Variants in HMG20A observed in about 807,000 individuals in gnomAD.
The protein encoded by HMG20A is high mobility group 20A.
In HMG20A, 17 loss-of-function variants were observed where a neutral mutation model predicts 43.9. The ratio of observed to expected loss-of-function variants is 0.39; its 90% confidence interval spans 0.27 to 0.58. The LOEUF is 0.58. HMG20A is among the 20% of genes least tolerant of loss of function. The pLI, the probability that HMG20A is intolerant of heterozygous loss-of-function variation, is 0.59. For missense variants in HMG20A, 341 were observed against 438.2 expected, an observed-to-expected ratio of 0.78 and a Z score of 1.98; for synonymous variants, 132 against 147.5, an observed-to-expected ratio of 0.89 and a Z score of 0.76.
At chr15:77,449,077 G>A (rs987002476) in intron 1 of HMG20A, among the ~76,000 whole-genome samples, 2 of 151,812 alleles carry the variant, frequency 1.3e-5, no homozygotes, top group Admixed American at 6.6e-5. Flanking sequence ...ATAAAATAAA[G>A]ATCAATAATA....
chr15:77,513,445 A>G, the HMG20A span, among the ~76,000 whole-genome samples: 1 of 152,236 alleles, frequency 6.6e-6, no homozygotes, highest in Non-Finnish European at 1.5e-5. Flanking sequence ...GCCCTCAATT[A>G]GAAACTACCT....
intron 8 of HMG20A, among the ~76,000 whole-genome samples, chr15:77,478,898 T>C (rs2072881867): frequency 6.6e-6 from 1 of 152,246 alleles, no homozygotes; most frequent in Admixed American, 6.5e-5. Context: ...ATTTCTTATA[T>C]ACTCTTTCAT....
intron 1 of HMG20A, among the ~76,000 whole-genome samples, chr15:77,425,915 A>G (rs2073421968): frequency 6.6e-6 from 1 of 152,226 alleles, no homozygotes; most frequent in African/African-American, 2.4e-5. Context: ...CGATATAGCC[A>G]TACAATGGAA....
chr15:77,490,397 C>T (rs2072966266), downstream of HMG20A, among the ~76,000 whole-genome samples: 1 of 152,088 alleles, frequency 6.6e-6, no homozygotes, highest in Non-Finnish European at 1.5e-5. Flanking sequence ...GGCATAGGAA[C>T]CCAAGTGAGA....
intron 6 of HMG20A, among the ~76,000 whole-genome samples, chr15:77,476,614 T>C (rs558098146): frequency 2.0e-5 from 3 of 152,194 alleles, no homozygotes; most frequent in South Asian, 4.1e-4. Context: ...TTTCATGTTA[T>C]AAAGGTCCTG....
the HMG20A span, among the ~76,000 whole-genome samples, chr15:77,510,465 A>T: frequency 2.0e-5 from 3 of 152,218 alleles, no homozygotes; most frequent in Admixed American, 1.3e-4. Context: ...GTATTTGTAA[A>T]GCGCAGCTTA....
intron 1 of HMG20A, among the ~76,000 whole-genome samples, chr15:77,451,240 G>A (rs1485632094): frequency 1.3e-5 from 2 of 152,192 alleles, no homozygotes; most frequent in East Asian, 3.8e-4. Flanking sequence ...GCAGGTTTTT[G>A]TGTGGACGTA....
At chr15:77,458,199 T>A in intron 1 of HMG20A, 1 of 402,360 alleles carries the variant, frequency 2.5e-6, no homozygotes. Flanking sequence ...GTTTTCAGTC[T>A]GGTCAGTTGA....
At chr15:77,475,633 C>T (rs1489648964) in intron 6 of HMG20A, among the ~76,000 whole-genome samples, 25 of 152,178 alleles carry the variant, frequency 1.6e-4, no homozygotes, top group Non-Finnish European at 1.5e-5. Context: ...ATGATAATGT[C>T]CTAAGTCTTT....
At chr15:77,471,104 C>G in intron 5 of HMG20A, 62 bp downstream of exon 5, 1 of 1,528,954 alleles carries the variant, frequency 6.5e-7, no homozygotes, top group Non-Finnish European at 8.9e-7. Flanking sequence ...GTCATAAAGC[C>G]AACTGTTAAG....
intron 1 of HMG20A, among the ~76,000 whole-genome samples, chr15:77,454,110 T>C (rs1408008888): frequency 6.6e-6 from 1 of 150,448 alleles, no homozygotes; most frequent in Non-Finnish European, 1.5e-5. Flanking sequence ...ATCAGTGAGC[T>C]ATGATTATGC....
At chr15:77,422,472 T>C (rs909115729) in intron 1 of HMG20A, among the ~76,000 whole-genome samples, 4 of 152,178 alleles carry the variant, frequency 2.6e-5, no homozygotes, top group Admixed American at 2.0e-4. Context: ...AAAAATTAGC[T>C]GGGCGTGGTG....
At chr15:77,425,505 G>A (rs2073417420) in intron 1 of HMG20A, among the ~76,000 whole-genome samples, 1 of 152,134 alleles carries the variant, frequency 6.6e-6, no homozygotes, top group African/African-American at 2.4e-5. Flanking sequence ...TCTCATTTGG[G>A]AGCTTCTTAG....
chr15:77,444,576 C>T (rs1349367044), intron 1 of HMG20A, among the ~76,000 whole-genome samples: 1 of 151,978 alleles, frequency 6.6e-6, no homozygotes, highest in Admixed American at 6.6e-5. Context: ...TTAAATCTAA[C>T]CACTTGTTCT....
chr15:77,499,148 T>C, the HMG20A span, among the ~76,000 whole-genome samples: 2 of 152,208 alleles, frequency 1.3e-5, no homozygotes, highest in East Asian at 3.9e-4. Flanking sequence ...CTGTGGGAAC[T>C]GTGCCTTCCG....
the HMG20A span, among the ~76,000 whole-genome samples, chr15:77,499,472 C>G: frequency 6.6e-6 from 1 of 152,086 alleles, no homozygotes; most frequent in Non-Finnish European, 1.5e-5. Flanking sequence ...TCCTACACGC[C>G]TCTCCCCAGC....
chr15:77,474,006 A>T (rs2142352653), intron 6 of HMG20A, among the ~76,000 whole-genome samples: 1 of 152,352 alleles, frequency 6.6e-6, no homozygotes, highest in South Asian at 2.1e-4. Context: ...TGCAGTATAA[A>T]AGAACTGATT....
At chr15:77,447,493 G>A (rs1247152577) in intron 1 of HMG20A, among the ~76,000 whole-genome samples, 1 of 152,078 alleles carries the variant, frequency 6.6e-6, no homozygotes, top group Non-Finnish European at 1.5e-5. Flanking sequence ...GGCATATACA[G>A]TGATCCAATT....
intron 6 of HMG20A, among the ~76,000 whole-genome samples, chr15:77,474,076 C>G (rs2072833702): frequency 6.6e-6 from 1 of 152,094 alleles, no homozygotes; most frequent in South Asian, 2.1e-4. Context: ...CATATAACTT[C>G]TTAGTATAAT....
Sources: gnomAD v4.1 joint callset for allele counts (sites outside exome capture counted in the v4.1 genomes callset) on GRCh38, gnomAD v4.1.1 for gene constraint, MANE v1.5 for transcripts, NCBI Gene and HGNC (gene_info 2026-07-23, HGNC 2026-07-21) for gene names.